CAPN2: variants seen among roughly 807,000 people sequenced by gnomAD.
CAPN2 encodes calpain-2 catalytic subunit.
Under a neutral mutation model 102.3 loss-of-function variants are expected in CAPN2, and 92 were observed. The observed-to-expected ratio is 0.90, with a 90% CI of 0.76 to 1.07. The LOEUF (loss-of-function observed/expected upper bound fraction) is 1.07, where lower values mean the gene tolerates loss of function less well. Ranked by LOEUF, CAPN2 falls within the 50% of genes least tolerant of loss-of-function variation. The pLI is 0.00. For synonymous variants in CAPN2, 340 were observed against 355.4 expected, an observed-to-expected ratio of 0.96 and a Z score of 0.49; for missense variants, 800 against 909.4, an observed-to-expected ratio of 0.88 and a Z score of 1.55.
intron 2 of CAPN2, among the ~76,000 whole-genome samples, chr1:223,730,057 A>G (rs1160690953): frequency 1.3e-5 from 2 of 151,110 alleles, no homozygotes; most frequent in Non-Finnish European, 2.9e-5. Flanking sequence ...AATCAGTTGA[A>G]AAGTGTGCCT....
intron 11 of CAPN2, 151 bp downstream of exon 11, chr1:223,757,531 C>T (rs1227069229): frequency 9.8e-6 from 8 of 816,492 alleles, no homozygotes; most frequent in Non-Finnish European, 1.6e-5. Context: ...GCTGAAGTTG[C>T]CCAGGCTCTA....
chr1:223,705,716 T>C (rs1015825852), intron 1 of CAPN2, among the ~76,000 whole-genome samples: 4 of 152,178 alleles, frequency 2.6e-5, no homozygotes, highest in African/African-American at 9.7e-5. Context: ...TGCTGCTCTA[T>C]ATTTGTTCCC....
At chr1:223,713,968 C>G (rs1171328647) in intron 1 of CAPN2, among the ~76,000 whole-genome samples, 1 of 152,204 alleles carries the variant, frequency 6.6e-6, no homozygotes, top group Non-Finnish European at 1.5e-5. Context: ...TAGGCCCTGC[C>G]GTCATGGCCT....
intron 1 of CAPN2, among the ~76,000 whole-genome samples, chr1:223,705,093 C>T (rs1659573846): frequency 6.6e-6 from 1 of 152,218 alleles, no homozygotes; most frequent in Non-Finnish European, 1.5e-5. Flanking sequence ...ACACCAACTT[C>T]CCTTTCAGCA....
chr1:223,774,936 T>C lies in CAPN2; in HGVS notation c.*79T>C. ...TAAGCTTCCATAGAAATACACTTTG[T>C]ATCTGGACCTCAAAATTATGGGAAC... On this transcript the variant is annotated 3_prime_UTR_variant, in exon 21 of 21. Transcript: ENST00000295006. 8 of 1,168,554 alleles carry C rather than the reference T, an allele frequency of 6.8e-6. No homozygotes were observed. The South Asian group carries it at 1.0e-4, about 15-fold the overall frequency. The allele number at this position is 1,168,554 out of a possible 1,614,324, so 72.4% of individuals were successfully genotyped here.
Position 223,744,937 on chromosome 1 carries a change from C to T in CAPN2, c.427-369C>T, listed in dbSNP as rs1242524077. On this transcript the variant is annotated intron_variant, in intron 3 of 20. Transcript: ENST00000295006. The stretch of plus-strand genomic sequence containing the variant: ...GCACGTGCCCTTAATCCCAGCTACT[C>T]GGGAGGCTGAGGCAAGAGAATCACT... Among the ~76,000 whole-genome samples the T allele has an allele frequency of 4.0e-5, 6 of 150,836 alleles. No individual in the cohort carries two copies. In the South Asian group the frequency reaches 8.4e-4, roughly 21 times the overall value.
chr1:223,740,373 C>T (rs1198759286), intron 2 of CAPN2, among the ~76,000 whole-genome samples: 2 of 152,200 alleles, frequency 1.3e-5, no homozygotes, highest in East Asian at 1.9e-4. Context: ...CGAGAGTACA[C>T]CAAACAAAGG....
chr1:223,739,206 CAG>C (rs1660544637), intron 2 of CAPN2, among the ~76,000 whole-genome samples: 1 of 120,910 alleles, frequency 8.3e-6, no homozygotes, highest in Admixed American at 9.3e-5. Context: ...TTTTTTTAGA[CAG>C]AGTCTCACTC....
Position 223,734,953 on chromosome 1 carries a change from C to T in CAPN2, c.308-9147C>T, listed in dbSNP as rs7550936. On this transcript the variant is annotated intron_variant, in intron 2 of 20. Coordinates refer to ENST00000295006, the MANE Select transcript of CAPN2 (RefSeq NM_001748.5). Reference sequence around the variant, plus strand: ...CTCCATGGTCTGGCTCTAGTGTTTCCCAACCATTCGGGGTGGGAGTGGGAG... The same window carrying T: ...CTCCATGGTCTGGCTCTAGTGTTTCTCAACCATTCGGGGTGGGAGTGGGAG... 7.4e-3 allele frequency among the ~76,000 whole-genome samples: 1,127 copies of T among 152,244 alleles called. 12 individuals carry two copies. The highest frequency in any genetic ancestry group is 0.026 in the African/African-American group (1,060 of 41,538).
intron 17 of CAPN2, 46 bp from the exon 18 acceptor site, chr1:223,770,401 G>A: frequency 7.1e-7 from 1 of 1,405,860 alleles, no homozygotes; most frequent in Non-Finnish European, 1.0e-6. Flanking sequence ...TAACTTGCCA[G>A]CTTTGCTTTG....
At chr1:223,742,698 T>G (rs1660655159) in intron 2 of CAPN2, among the ~76,000 whole-genome samples, 2 of 151,866 alleles carry the variant, frequency 1.3e-5, no homozygotes, top group Non-Finnish European at 2.9e-5. Flanking sequence ...TTTTGTATTT[T>G]TTTGTCGAGA....
chr1:223,702,420 C>T lies in CAPN2; in HGVS notation c.3+589C>T, dbSNP rs189901275. ...CCAGCCTGGTTGACAGAGTGAGACC[C>T]TGTCTAAAAAAACAAAAAAAAAGAA... On this transcript the variant is annotated intron_variant, in intron 1 of 20. Transcript: ENST00000433674. Among the ~76,000 whole-genome samples, 200 of 150,026 alleles carry T rather than the reference C, an allele frequency of 1.3e-3. 3 individuals are homozygous for T. In the East Asian group the frequency reaches 0.033, roughly 25 times the overall value.
chr1:223,708,778 G>A (rs1396769384), upstream of CAPN2, among the ~76,000 whole-genome samples: 2 of 150,048 alleles, frequency 1.3e-5, no homozygotes, highest in African/African-American at 2.5e-5. Context: ...AAGAAAGAGC[G>A]AAAGAGAGAG....
chr1:223,719,829 T>C (rs1179379902), intron 2 of CAPN2, among the ~76,000 whole-genome samples: 2 of 150,040 alleles, frequency 1.3e-5, no homozygotes, highest in Non-Finnish European at 3.0e-5. Context: ...TGTGTGTGTG[T>C]GTGCGCGCGC....
chr1:223,725,575 A>C lies in CAPN2; in HGVS notation c.307+7744A>C, dbSNP rs1195009893. On this transcript the variant is annotated intron_variant, in intron 2 of 20. Coordinates refer to ENST00000295006, the MANE Select transcript of CAPN2 (RefSeq NM_001748.5). The surrounding 1 kb of genome is among the most constrained non-coding windows in gnomAD (Gnocchi z 4.1). Reference sequence around the variant, plus strand: ...GGTCGCGTCGCTGAGGTGGAGACACATTGTGGCACATCTTGAATACCCGAC... The same window carrying C: ...GGTCGCGTCGCTGAGGTGGAGACACCTTGTGGCACATCTTGAATACCCGAC... Among the ~76,000 whole-genome samples the C allele has an allele frequency of 6.6e-6, 1 of 152,196 alleles. No individual in the cohort carries two copies. Among genetic ancestry groups the C allele is most frequent in the Non-Finnish European group, 1.5e-5 (1 of 68,034 alleles).
At chr1:223,745,581 G>C (rs1483989347) in intron 4 of CAPN2, 142 bp downstream of exon 4, 3 of 828,628 alleles carry the variant, frequency 3.6e-6, no homozygotes, top group Non-Finnish European at 5.9e-6. Flanking sequence ...GACCAGCCTG[G>C]CCAACATGAT....
upstream of CAPN2, among the ~76,000 whole-genome samples, chr1:223,710,061 G>A (rs1659698131): frequency 6.6e-6 from 1 of 152,010 alleles, no homozygotes; most frequent in Non-Finnish European, 1.5e-5. Flanking sequence ...GATCACCTGA[G>A]GTCAGGAATT....
In CAPN2 at chr1:223,762,234, G is replaced by A; in HGVS notation, c.1615G>A (p.Ala539Thr). 1 of 1,613,816 alleles carries A rather than the reference G, an allele frequency of 6.2e-7. No individual in the cohort carries two copies. The highest frequency in any genetic ancestry group is 8.5e-7 in the Non-Finnish European group (1 of 1,179,722). The change falls in exon 14 of 21, where the codon GCC becomes ACC. Residue 539 changes from alanine (A) to threonine (T), a missense_variant. Transcript: ENST00000295006. ...DIDDGFRRLFAQLAGEDAEIS... is the reference protein window; with the variant it reads ...DIDDGFRRLFTQLAGEDAEIS... ...TGATGATGGATTCAGGAGACTGTTT[G>A]CCCAGTTGGCAGGAGAGGTAAATGT...
upstream of CAPN2, among the ~76,000 whole-genome samples, chr1:223,710,093 G>A (rs1030606306): frequency 3.3e-5 from 5 of 152,074 alleles, no homozygotes; most frequent in South Asian, 2.1e-4. Context: ...TGGCCAACAC[G>A]GTGAAACCCC....
Sources: allele counts gnomAD v4.1 joint callset (sites outside exome capture counted in the v4.1 genomes callset), GRCh38; gene constraint gnomAD v4.1.1; non-coding constraint Gnocchi (gnomAD v3.1); transcripts MANE v1.5; gene names NCBI Gene and HGNC (gene_info 2026-07-23, HGNC 2026-07-21).